Variants in FIRRM observed in about 807,000 individuals in gnomAD.
The protein encoded by FIRRM is FIGNL1 interacting regulator of recombination and mitosis.
chr1:169,831,316 A>G, the FIRRM span, among the ~76,000 whole-genome samples: 4 of 152,196 alleles, frequency 2.6e-5, no homozygotes, highest in African/African-American at 9.6e-5. Flanking sequence ...TGTTCCATAT[A>G]AGATGATTAT....
the FIRRM span, among the ~76,000 whole-genome samples, chr1:169,787,844 A>G: frequency 1.3e-5 from 2 of 152,090 alleles, no homozygotes; most frequent in South Asian, 4.2e-4. Flanking sequence ...CTGTAACGTG[A>G]TGTATGTTAC....
the FIRRM span, among the ~76,000 whole-genome samples, chr1:169,818,087 T>C: frequency 1.3e-5 from 2 of 152,252 alleles, no homozygotes; most frequent in Non-Finnish European, 1.5e-5. Flanking sequence ...TGCTTTCTTA[T>C]AATCTTTTAC....
the FIRRM span, among the ~76,000 whole-genome samples, chr1:169,810,330 T>A: frequency 6.6e-6 from 1 of 152,244 alleles, no homozygotes; most frequent in Admixed American, 6.5e-5. Flanking sequence ...TTCCTTGTAT[T>A]AATTTCCTGG....
chr1:169,849,575 A>T, the FIRRM span: 6 of 1,613,980 alleles, frequency 3.7e-6, no homozygotes, highest in Non-Finnish European at 5.1e-6. Context: ...AGAACAACAT[A>T]CCTTGGAGGC....
At chr1:169,843,841 T>C in the FIRRM span, 1 of 885,818 alleles carries the variant, frequency 1.1e-6, no homozygotes, top group South Asian at 1.4e-5. Flanking sequence ...GTAAAATAAC[T>C]TTCTAGAAAT....
At chr1:169,791,179 C>G in the FIRRM span, among the ~76,000 whole-genome samples, 8 of 152,238 alleles carry the variant, frequency 5.3e-5, no homozygotes, top group African/African-American at 1.9e-4. Context: ...GTCCACGGCG[C>G]AGGCATCAGG....
the FIRRM span, among the ~76,000 whole-genome samples, chr1:169,796,155 A>C: frequency 6.6e-6 from 1 of 152,260 alleles, no homozygotes; most frequent in Non-Finnish European, 1.5e-5. Flanking sequence ...GCATTAGCAA[A>C]ATCTCAGAAG....
At chr1:169,823,379 A>C in the FIRRM span, 2 of 1,472,522 alleles carry the variant, frequency 1.4e-6, no homozygotes, top group Non-Finnish European at 1.9e-6. Context: ...ATTTTTATGC[A>C]AAGAATGAAT....
At chr1:169,827,637 C>G in the FIRRM span, 4 of 1,561,832 alleles carry the variant, frequency 2.6e-6, no homozygotes, top group Non-Finnish European at 3.5e-6. Context: ...GACTCTGACT[C>G]AAACAAAAAA....
chr1:169,827,927 T>G, the FIRRM span: 2 of 1,224,338 alleles, frequency 1.6e-6, no homozygotes, highest in East Asian at 2.6e-5. Flanking sequence ...AGTTTGTGTG[T>G]TTTTTTTTTA....
At chr1:169,827,561 C>G in the FIRRM span, 1 of 820,984 alleles carries the variant, frequency 1.2e-6, no homozygotes, top group South Asian at 1.6e-5. Flanking sequence ...TCGCTTGAAC[C>G]CAGACGGTGG....
At chr1:169,793,426 T>C in the FIRRM span, 1 of 1,614,210 alleles carries the variant, frequency 6.2e-7, no homozygotes, top group Non-Finnish European at 8.5e-7. Flanking sequence ...GTTTTCCATG[T>C]GGCTCCAAGT....
At chr1:169,838,284 A>G in the FIRRM span, among the ~76,000 whole-genome samples, 1 of 152,128 alleles carries the variant, frequency 6.6e-6, no homozygotes, top group Non-Finnish European at 1.5e-5. Flanking sequence ...TAGAAAAAGT[A>G]TCAAATACCT....
the FIRRM span, among the ~76,000 whole-genome samples, chr1:169,832,760 C>T: frequency 1.3e-5 from 2 of 151,938 alleles, no homozygotes; most frequent in African/African-American, 2.4e-5. Flanking sequence ...CACACCACTA[C>T]GCCTGGCTAA....
At chr1:169,853,659 ATTTTTTT>A in the FIRRM span, 3 of 1,587,936 alleles carry the variant, frequency 1.9e-6, no homozygotes, top group Non-Finnish European at 2.6e-6. Flanking sequence ...TGAGGTATTG[ATTTTTTT>A]TAAAAAAAGG....
At chr1:169,825,709 G>A in the FIRRM span, among the ~76,000 whole-genome samples, 1 of 152,090 alleles carries the variant, frequency 6.6e-6, no homozygotes, top group African/African-American at 2.4e-5. Context: ...CTCAGGGAGG[G>A]CAAATGAATG....
At chr1:169,819,892 G>A in the FIRRM span, among the ~76,000 whole-genome samples, 28 of 152,098 alleles carry the variant, frequency 1.8e-4, no homozygotes, top group African/African-American at 5.1e-4. Flanking sequence ...AACCCGGGCC[G>A]CCAGCCATTG....
chr1:169,849,012 G>GTTTAGAGGCAAACTAATAAA, the FIRRM span, among the ~76,000 whole-genome samples: 11 of 152,170 alleles, frequency 7.2e-5, no homozygotes, highest in Admixed American at 6.6e-4. Context: ...AATCCCCACT[G>GTTTAGAGGCAAACTAATAAA]TTAGCCTGTT....
chr1:169,821,663 T>C, the FIRRM span: 1 of 1,547,676 alleles, frequency 6.5e-7, no homozygotes, highest in South Asian at 1.2e-5. Context: ...CTTTCTTATT[T>C]CCCTTTTTGG....
Sources: allele counts gnomAD v4.1 joint callset (sites outside exome capture counted in the v4.1 genomes callset), GRCh38; gene constraint gnomAD v4.1.1; transcripts MANE v1.5; gene names NCBI Gene and HGNC (gene_info 2026-07-23, HGNC 2026-07-21).